The following DNASE2B variants were observed in gnomAD, a reference collection of about 807,000 sequenced individuals.
DNASE2B encodes the protein deoxyribonuclease 2 beta.
Under a neutral mutation model 46.0 loss-of-function variants are expected in DNASE2B, and 43 were observed. That is an observed-to-expected ratio of 0.94 (90% CI 0.73 to 1.21). The LOEUF is 1.21. DNASE2B is among the 50% of genes most tolerant of loss of function. The pLI is 0.00. For missense variants in DNASE2B, 395 were observed against 414.4 expected, an observed-to-expected ratio of 0.95 and a Z score of 0.41; for synonymous variants, 156 against 152.5, an observed-to-expected ratio of 1.02 and a Z score of -0.17.
intron 3 of DNASE2B, among the ~76,000 whole-genome samples, chr1:84,408,884 C>A (rs75681468): frequency 0.025 from 3,803 of 151,526 alleles, 58 homozygotes; most frequent in South Asian, 0.059. Context: ...TATATATGTA[C>A]AAACACATTT....
chr1:84,401,993 G>A lies in DNASE2B; in HGVS notation c.218G>A (p.Trp73Ter), dbSNP rs779566626. The A allele has an allele frequency of 4.3e-6, 7 of 1,609,262 alleles. No homozygotes were observed. The South Asian group carries it at 6.7e-5, about 15-fold the overall frequency. The change falls in exon 2 of 6, where the codon TGG becomes TAG. Residue 73 changes from tryptophan (W) to a stop codon, truncating the protein, a stop_gained. Coordinates refer to ENST00000370665, the MANE Select transcript of DNASE2B (RefSeq NM_021233.3). LOFTEE classifies it high-confidence loss of function. ...TACCTAGACTCTACAACTAGAAGCT[G>A]GAGGAAGAGTGAGCAACTAATGAAT... Reference protein sequence around the residue: ...YLYLDSTTRSWRKSEQLMNDT... With the variant: ...YLYLDSTTRS
At position 84,398,645 on chromosome 1, in the gene DNASE2B, A is replaced by G. The variant is rs780646031; in HGVS notation, c.81A>G (p.Ala27=). Residue 27 remains alanine (A), a synonymous_variant, in exon 1 of 6, where the codon GCA becomes GCG. Transcript: ENST00000370665. The stretch of plus-strand genomic sequence containing the variant: ...TTGGCCTCTTTGGGGTGCTGGGGGC[A>G]GCAACAATTTCATGCAGAAATGAAG... ...LFLGLFGVLG[A]ATISCRNEEG... 1.2e-5 allele frequency: 20 copies of G among 1,613,894 alleles called. No homozygotes were observed. In the South Asian group the frequency reaches 2.0e-4, roughly 16 times the overall value.
chr1:84,403,897 C>T (rs1326565406), intron 2 of DNASE2B, among the ~76,000 whole-genome samples: 4 of 151,816 alleles, frequency 2.6e-5, no homozygotes, highest in Non-Finnish European at 5.9e-5. Context: ...GGTGACCCTC[C>T]CACCTCAGCC....
rs769674361 is a variant in DNASE2B at position 84,410,866 on chromosome 1, G to A, written c.414G>A (p.Gly138=). 1 of 1,613,586 alleles carries A rather than the reference G, an allele frequency of 6.2e-7. No individual in the cohort carries two copies. Among genetic ancestry groups the A allele is most frequent in the Non-Finnish European group, 8.5e-7 (1 of 1,179,730 alleles). ...TACTGCTGTGGAACAGAGTTCAAGG[G>A]TTCTGGCTGATTCATTCCATCCCTC... ...KGLLLWNRVQ[G]FWLIHSIPQF... The change falls in exon 4 of 6, where the codon GGG becomes GGA. Residue 138 remains glycine, a synonymous_variant. Transcript: ENST00000370665.
intron 5 of DNASE2B, among the ~76,000 whole-genome samples, chr1:84,414,171 C>T (rs1265360246): frequency 6.6e-6 from 1 of 152,200 alleles, no homozygotes; most frequent in East Asian, 1.9e-4. Flanking sequence ...AAAATCCAAA[C>T]ACTTTGGCAT....
chr1:84,414,959 A>G lies in DNASE2B; in HGVS notation c.*91A>G. Reference sequence around the variant, plus strand: ...TTCTTTATATTTTAAAGGCCTGTGAATATACTTATAACCTGCATATCACAA... The same window carrying G: ...TTCTTTATATTTTAAAGGCCTGTGAGTATACTTATAACCTGCATATCACAA... On this transcript the variant is annotated 3_prime_UTR_variant, in exon 6 of 6. Coordinates refer to ENST00000370665, the MANE Select transcript of DNASE2B (RefSeq NM_021233.3). 1 of 904,206 alleles carries G rather than the reference A, an allele frequency of 1.1e-6. No homozygotes were observed. The highest frequency in any genetic ancestry group is 1.8e-5 in the South Asian group (1 of 55,760). 56.0% of individuals were successfully genotyped at this position (904,206 alleles called of 1,614,324 possible). A position where few individuals can be genotyped will look rare whatever the true frequency, so the allele number is the denominator to read the frequency against.
intron 4 of DNASE2B, among the ~76,000 whole-genome samples, chr1:84,411,945 A>T (rs1680605189): frequency 6.6e-6 from 1 of 152,162 alleles, no homozygotes; most frequent in African/African-American, 2.4e-5. Context: ...GTACATTTAG[A>T]AGAAAAAATA....
intron 2 of DNASE2B, among the ~76,000 whole-genome samples, chr1:84,402,607 T>C (rs1189619352): frequency 6.6e-6 from 1 of 152,214 alleles, no homozygotes; most frequent in Non-Finnish European, 1.5e-5. Flanking sequence ...CTTGTCTGGA[T>C]GGAGATTATC....
chr1:84,401,162 G>C (rs563316813), intron 1 of DNASE2B, among the ~76,000 whole-genome samples: 5 of 152,266 alleles, frequency 3.3e-5, no homozygotes, highest in African/African-American at 7.2e-5. Context: ...ATAATGTCTG[G>C]AGATAATTTT....
chr1:84,403,197 G>T (rs1186373905), intron 2 of DNASE2B, among the ~76,000 whole-genome samples: 1 of 152,128 alleles, frequency 6.6e-6, no homozygotes, highest in African/African-American at 2.4e-5. Flanking sequence ...AACCATGCTG[G>T]GGTAGGGGTG....
chr1:84,414,065 C>T (rs1273515139), intron 5 of DNASE2B, among the ~76,000 whole-genome samples: 1 of 152,168 alleles, frequency 6.6e-6, no homozygotes, highest in Non-Finnish European at 1.5e-5. Context: ...CCCAATTCAT[C>T]CTGCCCATTG....
At chr1:84,412,881 C>A (rs982826956) in intron 5 of DNASE2B, among the ~76,000 whole-genome samples, 6 of 151,880 alleles carry the variant, frequency 4.0e-5, no homozygotes, top group African/African-American at 1.5e-4. Context: ...ACTCTGCACC[C>A]TCACTCATGG....
chr1:84,398,588 A>G lies in DNASE2B; in HGVS notation c.24A>G (p.Arg8=). The change falls in exon 1 of 6, where the codon AGA becomes AGG. Residue 8 remains arginine, a synonymous_variant. Transcript: ENST00000370665. ...AAATGAAACAGAAAATGATGGCAAG[A>G]CTGCTAAGAACATCCTTTGCTTTGC... The part of the protein sequence containing the change: MKQKMMA[R]LLRTSFALLF... 4 of 1,613,838 alleles carry G rather than the reference A, an allele frequency of 2.5e-6. No individual in the cohort carries two copies. Among genetic ancestry groups the G allele is most frequent in the Non-Finnish European group, 2.5e-6 (3 of 1,179,792 alleles).
chr1:84,412,557 C>T lies in DNASE2B; in HGVS notation c.745+11C>T, dbSNP rs780608923. ...ATTCTTTTCTTGACGGTATGAAAGA[C>T]CATCATCAAACAACATGCTGTATAA... is the stretch of plus-strand genomic sequence containing the variant. On this transcript the variant is annotated intron_variant, in intron 5 of 5. Transcript: ENST00000370665. 8 of 1,594,650 alleles carry T rather than the reference C, an allele frequency of 5.0e-6. No individual in the cohort carries two copies. The South Asian group carries it at 6.8e-5, about 14-fold the overall frequency.
chr1:84,408,254 C>A, intron 2 of DNASE2B, 183 bp from the exon 3 acceptor site: 2 of 1,008,600 alleles, frequency 2.0e-6, no homozygotes, highest in Non-Finnish European at 2.6e-6. Context: ...AATGGACTTT[C>A]TTTCCCCTGT....
chr1:84,414,617 T>G lies in DNASE2B; in HGVS notation c.835T>G (p.Cys279Gly), dbSNP rs374590812. Residue 279 changes from cysteine to glycine, a missense_variant, in exon 6 of 6, where the codon TGC (cysteine) becomes GGC (glycine). Transcript: ENST00000370665. Reference protein sequence around the residue: ...QRKRQELPSNCSLPYHVYNIK... With the variant: ...QRKRQELPSNGSLPYHVYNIK... ...AAAAAGACAAGAGCTTCCTTCAAAC[T>G]GCTCCCTTCCTTACCATGTCTACAA... is the stretch of plus-strand genomic sequence containing the variant. 6.2e-6 allele frequency: 10 copies of G among 1,614,062 alleles called. No homozygotes were observed. Among genetic ancestry groups the G allele is most frequent in the Non-Finnish European group, 8.5e-6 (10 of 1,180,026 alleles).
At chr1:84,409,128 C>CA (rs1319184511) in intron 3 of DNASE2B, among the ~76,000 whole-genome samples, 2 of 151,788 alleles carry the variant, frequency 1.3e-5, no homozygotes, top group Non-Finnish European at 2.9e-5. Context: ...TACAGGTAAA[C>CA]AAAAAAATCT....
rs1570308327 is a variant in DNASE2B at position 84,413,366 on chromosome 1, TC to T, written c.745+822del. 3.3e-5 allele frequency among the ~76,000 whole-genome samples: 5 copies of T among 152,290 alleles called. No individual in the cohort carries two copies. In the East Asian group the frequency reaches 9.6e-4, roughly 29 times the overall value. ...TGTCTTCCTTGCTTATTTGCTTCCTTCCTTTATACGTTGAATAAAATTTACT... is the reference window on the plus strand; with the variant it reads ...TGTCTTCCTTGCTTATTTGCTTCCTTCTTTATACGTTGAATAAAATTTACT... On this transcript the variant is annotated intron_variant, in intron 5 of 5. Coordinates refer to ENST00000370665, the MANE Select transcript of DNASE2B (RefSeq NM_021233.3).
At chr1:84,410,509 G>A (rs1680569279) in intron 3 of DNASE2B, among the ~76,000 whole-genome samples, 2 of 152,202 alleles carry the variant, frequency 1.3e-5, no homozygotes, top group South Asian at 4.1e-4. Context: ...TGACTGTATA[G>A]TTTAACAAGG....
Sources: gnomAD v4.1 joint callset for allele counts (sites outside exome capture counted in the v4.1 genomes callset) on GRCh38, gnomAD v4.1.1 for gene constraint, MANE v1.5 for transcripts, NCBI Gene and HGNC (gene_info 2026-07-23, HGNC 2026-07-21) for gene names.